The following TRIM71 variants were observed in gnomAD, a reference collection of about 807,000 sequenced individuals.
TRIM71 encodes the protein tripartite motif containing 71.
In TRIM71, 9 loss-of-function variants were observed where a neutral mutation model predicts 61.2. The observed-to-expected ratio is 0.15, with a 90% CI of 0.09 to 0.26. The LOEUF is 0.26. Among genes scored for constraint, TRIM71 ranks in the 10% least tolerant of loss-of-function variants. The pLI is 1.00. For synonymous variants in TRIM71, 645 were observed against 553.2 expected (o/e 1.17, Z -2.33); for missense variants, 998 against 1,238.7 (o/e 0.81, Z 2.92).
chr3:32,867,294 A>G (rs1160346344), intron 1 of TRIM71, among the ~76,000 whole-genome samples: 1 of 152,190 alleles, frequency 6.6e-6, no homozygotes, highest in Non-Finnish European at 1.5e-5. Flanking sequence ...TTTACATAAT[A>G]CATATAATGG....
At chr3:32,842,875 T>C (rs537989817) in intron 1 of TRIM71, among the ~76,000 whole-genome samples, 1 of 152,306 alleles carries the variant, frequency 6.6e-6, no homozygotes, top group Admixed American at 6.5e-5. Context: ...GGGAGTTTTA[T>C]GGGCCTCTGG....
chr3:32,871,930 T>G (rs751548614), intron 1 of TRIM71, among the ~76,000 whole-genome samples: 4 of 152,132 alleles, frequency 2.6e-5, no homozygotes, highest in Non-Finnish European at 4.4e-5. Flanking sequence ...GATCACGAGG[T>G]CAGAAGATCG....
chr3:32,819,662 G>T (rs945825647), intron 1 of TRIM71, among the ~76,000 whole-genome samples: 9 of 152,186 alleles, frequency 5.9e-5, no homozygotes, highest in African/African-American at 2.2e-4. Flanking sequence ...TGAAATCGCC[G>T]TTCGTGGGCC....
chr3:32,873,927 C>T lies in TRIM71; in HGVS notation c.962C>T (p.Ser321Leu), dbSNP rs1696824873. ...TACCTCCAGGAGGCACTGCAGGACT[C>T]ACGGGCACTCACCATCCAGCTGCTG... ...FIYLQEALQD[S>L]RALTIQLLAD... The change falls in exon 2 of 4, where the codon TCA becomes TTA. Residue 321 changes from serine to leucine, a missense_variant. By Grantham distance (145) the Ser-to-Leu change is moderately radical. Coordinates refer to ENST00000383763, the MANE Select transcript of TRIM71 (RefSeq NM_001039111.3). 1 of 1,613,848 alleles carries T rather than the reference C, an allele frequency of 6.2e-7. No homozygotes were observed. Among genetic ancestry groups the T allele is most frequent in the South Asian group, 1.1e-5 (1 of 91,046 alleles).
intron 1 of TRIM71, among the ~76,000 whole-genome samples, chr3:32,869,864 G>A (rs559909060): frequency 2.6e-5 from 4 of 152,152 alleles, no homozygotes; most frequent in Non-Finnish European, 5.9e-5. Flanking sequence ...TGGGGCAGCC[G>A]GATTGTCGCC....
intron 2 of TRIM71, among the ~76,000 whole-genome samples, chr3:32,881,935 G>T (rs1026692994): frequency 6.6e-6 from 1 of 152,180 alleles, no homozygotes; most frequent in Non-Finnish European, 1.5e-5. Flanking sequence ...ATCTTTGCAT[G>T]CTTGCTGATT....
intron 1 of TRIM71, among the ~76,000 whole-genome samples, chr3:32,820,952 G>T (rs1023181127): frequency 2.0e-5 from 3 of 152,166 alleles, no homozygotes; most frequent in Non-Finnish European, 4.4e-5. Flanking sequence ...CATTTCGGAA[G>T]TTGTTTGGCC....
Position 32,896,478 on chromosome 3 carries a change from G to A in TRIM71, c.*4667G>A, listed in dbSNP as rs371613090. The A allele has an allele frequency of 7.9e-5, 12 of 151,854 alleles. No homozygotes were observed. The East Asian group carries it at 1.9e-3, about 24-fold the overall frequency. The allele number at this position is 151,854 out of a possible 1,614,324, so 9.4% of individuals were successfully genotyped here. On this transcript the variant is annotated 3_prime_UTR_variant, in exon 4 of 4. Transcript: ENST00000383763. ...CCTTGTTTATTAAATACTTGATAAA[G>A]TTGAGAAGCACATTACCAGGATATA...
At chr3:32,867,476 G>A (rs1250335804) in intron 1 of TRIM71, among the ~76,000 whole-genome samples, 2 of 151,954 alleles carry the variant, frequency 1.3e-5, no homozygotes, top group Admixed American at 6.6e-5. Context: ...TTTGAGACAG[G>A]GTCTCGGGCT....
rs1468620790 is a variant in TRIM71, at chr3:32,873,805, C to G, written c.853-13C>G. ...GCATCTCCATTTATGCCTGTACCCT[C>G]TCTTGTCCCCAGGTGCTGCACCTGT... On this transcript the variant is annotated splice_polypyrimidine_tract_variant and intron_variant, in intron 1 of 3. Transcript: ENST00000383763. 1.3e-6 allele frequency: 2 copies of G among 1,551,134 alleles called. No homozygotes were observed. The highest frequency in any genetic ancestry group is 1.2e-5 in the South Asian group (1 of 81,134).
rs1204190355 is a variant in TRIM71, at chr3:32,895,311, C to A, written c.*3500C>A. On this transcript the variant is annotated 3_prime_UTR_variant, in exon 4 of 4. Coordinates refer to ENST00000383763, the MANE Select transcript of TRIM71 (RefSeq NM_001039111.3). Reference sequence around the variant, plus strand: ...AACACATAACAAAGGGTACCATAAACCGAATCCAAATTACGTGTTGGGCCA... The same window carrying A: ...AACACATAACAAAGGGTACCATAAAACGAATCCAAATTACGTGTTGGGCCA... 6.6e-6 allele frequency: 1 copy of A among 152,170 alleles called. No individual in the cohort carries two copies. The highest frequency in any genetic ancestry group is 1.5e-5 in the Non-Finnish European group (1 of 68,042). The allele number at this position is 152,170 out of a possible 1,614,324, so 9.4% of individuals were successfully genotyped here. A position where few individuals can be genotyped will look rare whatever the true frequency, so the allele number is the denominator to read the frequency against.
At position 32,895,325 on chromosome 3, in the gene TRIM71, C is replaced by T. The variant is rs991200669; in HGVS notation, c.*3514C>T. ...GGTACCATAAACCGAATCCAAATTA[C>T]GTGTTGGGCCAAAAATGTTGCCAGA... On this transcript the variant is annotated 3_prime_UTR_variant, in exon 4 of 4. Coordinates refer to ENST00000383763, the MANE Select transcript of TRIM71 (RefSeq NM_001039111.3). 3 of 152,284 alleles carry T rather than the reference C, an allele frequency of 2.0e-5. No homozygotes were observed. The highest frequency in any genetic ancestry group is 1.9e-4 in the East Asian group (1 of 5,188). The allele number at this position is 152,284 out of a possible 1,614,324, so 9.4% of individuals were successfully genotyped here. A position where few individuals can be genotyped will look rare whatever the true frequency, so the allele number is the denominator to read the frequency against.
intron 1 of TRIM71, among the ~76,000 whole-genome samples, chr3:32,864,713 G>A (rs1696712129): frequency 6.6e-6 from 1 of 152,198 alleles, no homozygotes. Flanking sequence ...GTGTAGAGTG[G>A]ATAGTCTGGG....
chr3:32,837,538 C>T (rs980355393), intron 1 of TRIM71, among the ~76,000 whole-genome samples: 4 of 152,108 alleles, frequency 2.6e-5, no homozygotes, highest in South Asian at 2.1e-4. Flanking sequence ...TTACTAACGT[C>T]GCCGGGCGTG....
At chr3:32,874,407 G>T (rs1422411420) in intron 2 of TRIM71, among the ~76,000 whole-genome samples, 1 of 152,054 alleles carries the variant, frequency 6.6e-6, no homozygotes, top group Non-Finnish European at 1.5e-5. Context: ...CTGTCACCCA[G>T]GCTGGAGTGC....
Position 32,818,624 on chromosome 3 carries a change from G to C in TRIM71, c.544G>C (p.Gly182Arg). Residue 182 changes from glycine to arginine, a missense_variant, in exon 1 of 4, where the codon GGC becomes CGC. Transcript: ENST00000383763. ...GCCCGCGCCTTCCCGCTCGGCACCC[G>C]GCGGCCCTGCCGCTTCCCCGTCGGC... Reference protein sequence around the residue: ...QPPAPSRSAPGGPAASPSALL... With the variant: ...QPPAPSRSAPRGPAASPSALL... The C allele has an allele frequency of 2.1e-6, 3 of 1,436,464 alleles. No individual in the cohort carries two copies. Among genetic ancestry groups the C allele is most frequent in the Non-Finnish European group, 1.8e-6 (2 of 1,103,568 alleles). 89.0% of individuals were successfully genotyped at this position (1,436,464 alleles called of 1,614,324 possible). A position where few individuals can be genotyped will look rare whatever the true frequency, so the allele number is the denominator to read the frequency against.
rs71068090 is a variant in TRIM71, at chr3:32,826,582, C to CTTTTTTTTTTTTTTTTT, written c.852+7656_852+7672dup. Among the ~76,000 whole-genome samples the CTTTTTTTTTTTTTTTTT allele has an allele frequency of 7.2e-5, 6 of 83,098 alleles. 2 individuals are homozygous for CTTTTTTTTTTTTTTTTT. Among genetic ancestry groups the CTTTTTTTTTTTTTTTTT allele is most frequent in the African/African-American group, 2.1e-4 (4 of 19,374 alleles). The allele number at this position is 83,098 out of a possible 152,430, so 54.5% of individuals were successfully genotyped here. A position where few individuals can be genotyped will look rare whatever the true frequency, so the allele number is the denominator to read the frequency against. ...AACTTTAATTCCCATCAGGTGAGTT[C>CTTTTTTTTTTTTTTTTT]TTTTTTTTTTTTTTTTTTTTTTGAG... On this transcript the variant is annotated intron_variant, in intron 1 of 3. Coordinates refer to ENST00000383763, the MANE Select transcript of TRIM71 (RefSeq NM_001039111.3).
chr3:32,879,585 A>C (rs1696885482), intron 2 of TRIM71, among the ~76,000 whole-genome samples: 2 of 152,116 alleles, frequency 1.3e-5, no homozygotes, highest in African/African-American at 4.8e-5. Context: ...AAATTATCAA[A>C]GTGTGACACA....
chr3:32,851,260 A>G (rs1244479617), intron 1 of TRIM71, among the ~76,000 whole-genome samples: 2 of 152,216 alleles, frequency 1.3e-5, no homozygotes, highest in East Asian at 1.9e-4. Context: ...TCAGGCTACA[A>G]TTAGTAAAAG....
Sources: gnomAD v4.1 joint callset for allele counts (sites outside exome capture counted in the v4.1 genomes callset) on GRCh38, gnomAD v4.1.1 for gene constraint, MANE v1.5 for transcripts, NCBI Gene and HGNC (gene_info 2026-07-23, HGNC 2026-07-21) for gene names.